GRM4: variants seen among roughly 807,000 people sequenced by gnomAD.
GRM4 encodes the protein glutamate metabotropic receptor 4, also known as metabotropic glutamate receptor 4.
GRM4 carries 28 observed loss-of-function variants against 81.7 expected under a neutral mutation model. The observed-to-expected ratio is 0.34, with a 90% confidence interval of 0.25 to 0.47. The LOEUF (loss-of-function observed/expected upper bound fraction) is 0.47. Ranked by LOEUF, GRM4 falls within the 20% of genes least tolerant of loss-of-function variation. The pLI, the probability that GRM4 is intolerant of heterozygous loss-of-function variation, is 1.00. For missense variants in GRM4, 948 were observed against 1,290.0 expected, an observed-to-expected ratio of 0.73 and a Z score of 4.06; for synonymous variants, 488 against 528.8, an observed-to-expected ratio of 0.92 and a Z score of 1.06.
chr6:34,143,364 G>A (rs577420117), intron 1 of GRM4, among the ~76,000 whole-genome samples: 2 of 152,210 alleles, frequency 1.3e-5, no homozygotes. Flanking sequence ...AAGTGAGAGA[G>A]GGGACAAGGC....
intron 3 of GRM4, 190 bp downstream of exon 3, chr6:34,091,693 G>A (rs754573868): frequency 8.1e-5 from 48 of 593,374 alleles, no homozygotes; most frequent in Non-Finnish European, 1.1e-4. Context: ...GCCGTTGACC[G>A]GAGTCACCCA....
At chr6:34,033,959 G>A (rs923380096) in intron 9 of GRM4, among the ~76,000 whole-genome samples, 1 of 152,054 alleles carries the variant, frequency 6.6e-6, no homozygotes, top group African/African-American at 2.4e-5. Context: ...GGCTGGTCTC[G>A]AACTCCTGAC....
chr6:34,112,061 T>C (rs1478090341), intron 2 of GRM4, among the ~76,000 whole-genome samples: 1 of 152,134 alleles, frequency 6.6e-6, no homozygotes, highest in Non-Finnish European at 1.5e-5. Context: ...AAGCCCTGCT[T>C]CAGCCCAGGG....
At chr6:34,143,651 T>C (rs1434972441) in intron 1 of GRM4, among the ~76,000 whole-genome samples, 1 of 152,206 alleles carries the variant, frequency 6.6e-6, no homozygotes, top group African/African-American at 2.4e-5. Context: ...AGGTTCAGCA[T>C]CCCATTGGGA....
intron 2 of GRM4, among the ~76,000 whole-genome samples, chr6:34,109,804 A>T (rs1769290396): frequency 6.6e-6 from 1 of 152,088 alleles, no homozygotes; most frequent in South Asian, 2.1e-4. Flanking sequence ...GGCTTTCAGG[A>T]TACTGAGCTG....
chr6:34,149,888 C>T (rs975175516), upstream of GRM4, among the ~76,000 whole-genome samples: 1 of 152,204 alleles, frequency 6.6e-6, no homozygotes, highest in South Asian at 2.1e-4. Flanking sequence ...TTCGGCAACT[C>T]AACTGGCAAC....
rs900134898 is a variant in GRM4, at chr6:34,020,719, G to C, written c.*2102C>G. 1 of 152,152 alleles carries C rather than the reference G, an allele frequency of 6.6e-6. No homozygotes were observed. Among genetic ancestry groups the C allele is most frequent in the Non-Finnish European group, 1.5e-5 (1 of 68,064 alleles). The allele number at this position is 152,152 out of a possible 1,614,324, so 9.4% of individuals were successfully genotyped here. A position where few individuals can be genotyped will look rare whatever the true frequency, so the allele number is the denominator to read the frequency against. On this transcript the variant is annotated 3_prime_UTR_variant, in exon 11 of 11. Coordinates refer to ENST00000538487, the MANE Select transcript of GRM4 (RefSeq NM_000841.4). ...CTTCCCTCACACAAACATTTATTGA[G>C]CATCTACTAGGTGCTGCACACAGAC...
intron 6 of GRM4, among the ~76,000 whole-genome samples, chr6:34,045,539 C>CA (rs1765325292): frequency 6.6e-6 from 1 of 152,128 alleles, no homozygotes; most frequent in African/African-American, 2.4e-5. Flanking sequence ...TTTGGTTGTC[C>CA]AAAAAAGTCT....
At chr6:34,040,809 A>G (rs1373512268) in intron 6 of GRM4, 61 bp from the exon 7 acceptor site, 1 of 1,440,426 alleles carries the variant, frequency 6.9e-7, no homozygotes, top group Non-Finnish European at 9.6e-7. Context: ...CAGTGGTGTC[A>G]TGGGGGCCAG....
Position 34,119,639 on chromosome 6 carries a change from G to C in GRM4, c.519+13339C>G, listed in dbSNP as rs58444457. 6.7e-3 allele frequency among the ~76,000 whole-genome samples: 1,013 copies of C among 152,320 alleles called. 5 individuals are homozygous for C. Among genetic ancestry groups the C allele is most frequent in the Middle Eastern group, 0.044 (13 of 294 alleles). On this transcript the variant is annotated intron_variant, in intron 2 of 10. Coordinates refer to ENST00000538487, the MANE Select transcript of GRM4 (RefSeq NM_000841.4). The stretch of plus-strand genomic sequence containing the variant: ...GGGGAGGAGTCTGTCCTGCAGAGAC[G>C]TGCAAAGTGGCCCATGCAGAGACTT...
chr6:34,022,617 C>T lies in GRM4; in HGVS notation c.*204G>A, dbSNP rs1039248996. 1.2e-5 allele frequency: 7 copies of T among 597,972 alleles called. 1 individual carries two copies. Among genetic ancestry groups the T allele is most frequent in the African/African-American group, 7.4e-5 (4 of 53,878 alleles). The allele number at this position is 597,972 out of a possible 1,614,324, so 37.0% of individuals were successfully genotyped here. On this transcript the variant is annotated 3_prime_UTR_variant, in exon 11 of 11. Coordinates refer to ENST00000538487, the MANE Select transcript of GRM4 (RefSeq NM_000841.4). The surrounding 1 kb of genome is among the most constrained non-coding windows in gnomAD (Gnocchi z 5.6). ...TTCTTGTGGTAGCCTGGCACCGCCC[C>T]GGCCCCTCGTCCTCCTGTTGCTCAC... is the stretch of plus-strand genomic sequence containing the variant.
chr6:34,074,347 C>T lies in GRM4; in HGVS notation c.737-12319G>A, dbSNP rs1189066422. ...AGCAGGGTTGCGGTGAGGATTAGAG[C>T]GGATTGCCCGTGGACAGGGTCAGCC... On this transcript the variant is annotated intron_variant, in intron 3 of 10. Coordinates refer to ENST00000538487, the MANE Select transcript of GRM4 (RefSeq NM_000841.4). This position sits in a 1 kb window ranked among gnomAD's most constrained non-coding sequence, Gnocchi z 4.9. 2.0e-5 allele frequency among the ~76,000 whole-genome samples: 3 copies of T among 152,214 alleles called. No individual in the cohort carries two copies. Among genetic ancestry groups the T allele is most frequent in the Admixed American group, 6.5e-5 (1 of 15,292 alleles).
chr6:34,125,924 A>G (rs1394708991), intron 2 of GRM4, among the ~76,000 whole-genome samples: 2 of 152,200 alleles, frequency 1.3e-5, no homozygotes, highest in Non-Finnish European at 2.9e-5. Context: ...CTCCATCCCC[A>G]GCACCTCACG....
rs1771133518 is a variant in GRM4, at chr6:34,155,459, A to G, written c.-69T>C. 75 of 999,168 alleles carry G rather than the reference A, an allele frequency of 7.5e-5. No individual in the cohort carries two copies. The South Asian group carries it at 1.3e-3, about 17-fold the overall frequency. The allele number at this position is 999,168 out of a possible 1,614,324, so 61.9% of individuals were successfully genotyped here. A position where few individuals can be genotyped will look rare whatever the true frequency, so the allele number is the denominator to read the frequency against. ...CCGGCGGTTCGCAACCTCGACGCAC[A>G]TTGGAGTTACCTAGAGAGCTTTAAA... On this transcript the variant is annotated 5_prime_UTR_variant, in exon 1 of 9. Transcript: ENST00000374177.
Position 34,035,688 on chromosome 6 carries a change from T to G in GRM4, c.2422A>C (p.Thr808Pro), listed in dbSNP as rs1764656366. 17 of 1,515,786 alleles carry G rather than the reference T, an allele frequency of 1.1e-5. No homozygotes were observed. Among genetic ancestry groups the G allele is most frequent in the African/African-American group, 1.4e-5 (1 of 69,178 alleles). 93.9% of individuals were successfully genotyped at this position (1,515,786 alleles called of 1,614,324 possible). ...CTCACCTTGTCGGCCGACTGCGAGGTGCCAAAGAAGATGGGGATGAAGGCC... is the reference window on the plus strand; with the variant it reads ...CTCACCTTGTCGGCCGACTGCGAGGGGCCAAAGAAGATGGGGATGAAGGCC... Reference protein sequence around the residue: ...WLAFIPIFFGTSQSADKLYIQ... With the variant: ...WLAFIPIFFGPSQSADKLYIQ... Residue 808 changes from threonine to proline, a missense_variant, in exon 9 of 11, where the codon ACC becomes CCC. Physicochemically the swap from Thr to Pro is conservative, Grantham distance 38. Coordinates refer to ENST00000538487, the MANE Select transcript of GRM4 (RefSeq NM_000841.4). This position sits in a 1 kb window ranked among gnomAD's most constrained non-coding sequence, Gnocchi z 6.6.
intron 5 of GRM4, among the ~76,000 whole-genome samples, chr6:34,058,472 C>T (rs1017266455): frequency 6.6e-6 from 1 of 152,170 alleles, no homozygotes; most frequent in East Asian, 1.9e-4. Flanking sequence ...GTGAGGACTG[C>T]CAGGTCCCTG....
rs776216696 is a variant in GRM4, at chr6:34,036,297, C to T, written c.1813G>A (p.Val605Met). The change falls in exon 9 of 11, where the codon GTG (valine) becomes ATG (methionine). Residue 605 changes from valine to methionine, a missense_variant. Val to Met is a conservative substitution (Grantham distance 21). Transcript: ENST00000538487. This position sits in a 1 kb window ranked among gnomAD's most constrained non-coding sequence, Gnocchi z 9.0. ...TTGTAGCGCACAAAGGTGATCACCA[C>T]GAACAACGTGGCAGCGATGCCCACC... is the stretch of plus-strand genomic sequence containing the variant. Reference protein sequence around the residue: ...AVVGIAATLFVVITFVRYNDT... With the variant: ...AVVGIAATLFMVITFVRYNDT... The T allele has an allele frequency of 4.3e-6, 7 of 1,614,020 alleles. No individual in the cohort carries two copies. The highest frequency in any genetic ancestry group is 5.9e-6 in the Non-Finnish European group (7 of 1,180,018).
intron 9 of GRM4, among the ~76,000 whole-genome samples, chr6:34,032,511 TGTC>T (rs1264354997): frequency 1.3e-5 from 2 of 152,156 alleles, no homozygotes; most frequent in Admixed American, 1.3e-4. Context: ...TCAGAACACA[TGTC>T]CTCCACCGCC....
In GRM4 at chr6:34,090,181, G is replaced by A. The variant is rs1389565070; in HGVS notation, c.736+1702C>T. Among the ~76,000 whole-genome samples the A allele has an allele frequency of 6.6e-6, 1 of 152,176 alleles. No individual in the cohort carries two copies. The highest frequency in any genetic ancestry group is 2.4e-5 in the African/African-American group (1 of 41,424). ...ACAGAGGGAGGCCTGCATGAGCACT[G>A]GGGGTGGCTTTGAGGTCCCTCAGGG... On this transcript the variant is annotated intron_variant, in intron 3 of 10. Coordinates refer to ENST00000538487, the MANE Select transcript of GRM4 (RefSeq NM_000841.4). The surrounding 1 kb of genome is among the most constrained non-coding windows in gnomAD (Gnocchi z 5.2).
Sources: gnomAD v4.1 joint callset for allele counts (sites outside exome capture counted in the v4.1 genomes callset) on GRCh38, gnomAD v4.1.1 for gene constraint, Gnocchi (gnomAD v3.1) non-coding constraint, MANE v1.5 for transcripts, NCBI Gene and HGNC (gene_info 2026-07-23, HGNC 2026-07-21) for gene names.